The following RNF123 variants were observed in gnomAD, a reference collection of about 807,000 sequenced individuals.
RNF123 encodes ring finger protein 123, also known as E3 ubiquitin-protein ligase RNF123.
RNF123 carries 86 observed loss-of-function variants against 168.5 expected under a neutral mutation model. That is an observed-to-expected ratio of 0.51 (90% CI 0.43 to 0.61). The LOEUF (loss-of-function observed/expected upper bound fraction) is 0.61. RNF123 is among the 20% of genes least tolerant of loss of function. The pLI is 0.00. For missense variants in RNF123, 1,419 were observed against 1,729.7 expected (o/e 0.82, Z 3.19); for synonymous variants, 666 against 689.1 (o/e 0.97, Z 0.52).
chr3:49,718,055 C>T (rs781250794), intron 35 of RNF123: 2 of 1,613,552 alleles, frequency 1.2e-6, no homozygotes, highest in African/African-American at 2.7e-5. Context: ...TCAGCTACTG[C>T]CAGCTGCACG....
rs538662649 is a variant in RNF123, at chr3:49,705,870, G to A, written c.2305-112G>A. 37 of 1,447,438 alleles carry A rather than the reference G, an allele frequency of 2.6e-5. No individual in the cohort carries two copies. The African/African-American group carries it at 2.6e-4, about 10-fold the overall frequency. 89.7% of individuals were successfully genotyped at this position (1,447,438 alleles called of 1,614,324 possible). ...TGCTGACTGTTGTGGGAATGGGACC[G>A]CCCTGGGCCTAAGGTTGGGACCTTG... On this transcript the variant is annotated intron_variant, in intron 24 of 38. Coordinates refer to ENST00000327697, the MANE Select transcript of RNF123 (RefSeq NM_022064.5).
In RNF123 at chr3:49,716,000, G is replaced by A. The variant is rs1450419541; in HGVS notation, c.3329G>A (p.Arg1110His). 11 of 1,613,866 alleles carry A rather than the reference G, an allele frequency of 6.8e-6. No individual in the cohort carries two copies. The highest frequency in any genetic ancestry group is 1.3e-5 in the African/African-American group (1 of 74,944). The change falls in exon 33 of 39, where the codon CGT becomes CAT. Residue 1110 changes from arginine (R) to histidine (H), a missense_variant. By Grantham distance (29) the Arg-to-His change is conservative. Coordinates refer to ENST00000327697, the MANE Select transcript of RNF123 (RefSeq NM_022064.5). ...CCTACCTCTGAGATGCTGCTGCGGC[G>A]TCTTGCACAGGTGTGGCCATCTGGG... Reference protein sequence around the residue: ...TRPTSEMLLRRLAQLLNQVLN... With the variant: ...TRPTSEMLLRHLAQLLNQVLN...
intron 21 of RNF123, 113 bp downstream of exon 21, chr3:49,703,641 G>GA: frequency 1.3e-6 from 1 of 775,856 alleles, no homozygotes; most frequent in Non-Finnish European, 2.1e-6. Flanking sequence ...GGGTGCCCAA[G>GA]TCTTTCCACC....
At chr3:49,713,367 C>A in intron 27 of RNF123, 146 bp from the exon 28 acceptor site, 1 of 703,550 alleles carries the variant, frequency 1.4e-6, no homozygotes, top group Admixed American at 2.5e-5. Flanking sequence ...AATGCTTTGC[C>A]CGATGTCCCC....
At chr3:49,705,746 T>C in intron 24 of RNF123, 67 bp downstream of exon 24, 1 of 1,603,276 alleles carries the variant, frequency 6.2e-7, no homozygotes, top group Admixed American at 1.7e-5. Context: ...TGTGTATTCC[T>C]GTGTGCACAT....
At chr3:49,720,405 G>A (rs1030129981) in intron 35 of RNF123, 106 bp from the exon 36 acceptor site, 19 of 1,158,964 alleles carry the variant, frequency 1.6e-5, no homozygotes, top group Non-Finnish European at 2.2e-5. Context: ...AGGATGCAGG[G>A]GGGGTGATCA....
intron 26 of RNF123, among the ~76,000 whole-genome samples, chr3:49,710,251 T>C (rs1284504096): frequency 6.6e-6 from 1 of 152,214 alleles, no homozygotes; most frequent in African/African-American, 2.4e-5. Context: ...CAAGCACTTA[T>C]TGGCCATTTG....
At chr3:49,712,181 G>A (rs1321775213) in intron 26 of RNF123, among the ~76,000 whole-genome samples, 1 of 151,590 alleles carries the variant, frequency 6.6e-6, no homozygotes, top group Admixed American at 6.6e-5. Context: ...AGCCAAGAGG[G>A]CGTCACTGCA....
Position 49,720,503 on chromosome 3 carries a change from C to T in RNF123, c.3501-8C>T, listed in dbSNP as rs1434651789. 2 of 1,554,878 alleles carry T rather than the reference C, an allele frequency of 1.3e-6. No individual in the cohort carries two copies. Among genetic ancestry groups the T allele is most frequent in the Non-Finnish European group, 1.7e-6 (2 of 1,149,014 alleles). Reference sequence around the variant, plus strand: ...CTTCTGACTGCCCTTGCACCCTCCCCTACCTAGGAGAGAGCAAGCCACATC... The same window carrying T: ...CTTCTGACTGCCCTTGCACCCTCCCTTACCTAGGAGAGAGCAAGCCACATC... On this transcript the variant is annotated splice_polypyrimidine_tract_variant and splice_region_variant and intron_variant, in intron 35 of 38. Coordinates refer to ENST00000327697, the MANE Select transcript of RNF123 (RefSeq NM_022064.5).
chr3:49,704,681 C>T lies in RNF123; in HGVS notation c.1884C>T (p.Ile628=), dbSNP rs267599875. 3.8e-5 allele frequency: 61 copies of T among 1,609,264 alleles called. No individual in the cohort carries two copies. The highest frequency in any genetic ancestry group is 6.7e-5 in the East Asian group (3 of 44,808). Residue 628 remains isoleucine, a synonymous_variant, in exon 22 of 39, where the codon ATC becomes ATT. Transcript: ENST00000327697. ...DDLASKANIV[I]DPLELQSTAM... The stretch of plus-strand genomic sequence containing the variant: ...TTGCTTCCAAAGCCAACATTGTGAT[C>T]GACCCACTGGAGCTCCAGTCAACCG...
At position 49,697,176 on chromosome 3, in the gene RNF123, T is replaced by C. The variant is rs746371268; in HGVS notation, c.201T>C (p.His67=). Residue 67 remains histidine, a synonymous_variant, in exon 4 of 39, where the codon CAT becomes CAC. Coordinates refer to ENST00000327697, the MANE Select transcript of RNF123 (RefSeq NM_022064.5). ...TGAACTTCCAGAACCTGCCAGAACA[T>C]TTGGACCAGTTGCTACAGGTGGACA... ...KPLNFQNLPE[H]LDQLLQVDNE... is the part of the protein sequence containing the mutation. 1.2e-6 allele frequency: 2 copies of C among 1,614,068 alleles called. No homozygotes were observed. The highest frequency in any genetic ancestry group is 1.7e-6 in the Non-Finnish European group (2 of 1,179,978).
rs192171818 is a variant in RNF123, at chr3:49,699,419, T to C, written c.765-49T>C. On this transcript the variant is annotated intron_variant, in intron 10 of 38. Coordinates refer to ENST00000327697, the MANE Select transcript of RNF123 (RefSeq NM_022064.5). The surrounding 1 kb of genome is among the most constrained non-coding windows in gnomAD (Gnocchi z 4.8). ...TGGGGGGTGGGCAGTGGAGAGGGAG[T>C]AGGCATGTCTGAGCCACAGATAAGG... 1.4e-5 allele frequency: 21 copies of C among 1,457,346 alleles called. No individual in the cohort carries two copies. In the East Asian group the frequency reaches 5.2e-4, roughly 36 times the overall value. 90.3% of individuals were successfully genotyped at this position (1,457,346 alleles called of 1,614,324 possible).
At chr3:49,716,784 A>G in intron 35 of RNF123, 1 of 349,616 alleles carries the variant, frequency 2.9e-6, no homozygotes, top group Non-Finnish European at 5.3e-6. Flanking sequence ...CCTGTGGTGG[A>G]CAGGGCCAGG....
chr3:49,718,214 GGCGGCA>G, intron 35 of RNF123: 3 of 1,610,754 alleles, frequency 1.9e-6, no homozygotes, highest in South Asian at 2.2e-5. Flanking sequence ...TGGGGCCAGC[GGCGGCA>G]GCGGCAGGCA....
intron 13 of RNF123, 45 bp downstream of exon 13, chr3:49,700,397 A>G (rs777676099): frequency 1.2e-6 from 2 of 1,612,798 alleles, no homozygotes; most frequent in East Asian, 4.5e-5. Context: ...GTCAGTCTTC[A>G]CTGGGGTCGG....
rs537813059 is a variant in RNF123, at chr3:49,701,906, C to G, written c.1491C>G (p.Ile497Met). ...ERGCQRLRKR[I>M]EVVEELQVQI... Reference sequence around the variant, plus strand: ...GCTGTCAGCGGCTCAGGAAGCGCATCGAAGGTCAGCCCGCCTTGGGCACGG... The same window carrying G: ...GCTGTCAGCGGCTCAGGAAGCGCATGGAAGGTCAGCCCGCCTTGGGCACGG... The change falls in exon 17 of 39, where the codon ATC (isoleucine) becomes ATG (methionine). Residue 497 changes from isoleucine to methionine, a missense_variant. Around this residue, in one of 5 missense-constraint regions of RNF123, gnomAD observed 349 missense variants for 344.9 expected, o/e 1.01. Coordinates refer to ENST00000327697, the MANE Select transcript of RNF123 (RefSeq NM_022064.5). The G allele has an allele frequency of 1.3e-6, 2 of 1,560,064 alleles. No individual in the cohort carries two copies. Among genetic ancestry groups the G allele is most frequent in the African/African-American group, 2.7e-5 (2 of 73,990 alleles).
At chr3:49,717,696 A>T in intron 35 of RNF123, 2 of 570,904 alleles carry the variant, frequency 3.5e-6, no homozygotes, top group South Asian at 4.3e-5. Context: ...TCCGCGGGAA[A>T]GCAGGAACTA....
chr3:49,713,031 T>G, intron 27 of RNF123: 1 of 669,096 alleles, frequency 1.5e-6, no homozygotes, highest in East Asian at 2.7e-5. Context: ...CAGAATGGTT[T>G]GTCTTGGTAA....
chr3:49,702,124 G>T lies in RNF123; in HGVS notation c.1537G>T (p.Asp513Tyr). The change falls in exon 18 of 39, where the codon GAC becomes TAC. Residue 513 changes from aspartate (D) to tyrosine (Y), a missense_variant. Physicochemically the swap from Asp to Tyr is radical, Grantham distance 160. Around this residue, in one of 5 missense-constraint regions of RNF123, gnomAD observed 349 missense variants for 344.9 expected, o/e 1.01. Transcript: ENST00000327697. Reference sequence around the variant, plus strand: ...GGTCCAGATCCTGAAGCTGCTGCTGGACAATAAAGATGACAATGGGGTGAG... The same window carrying T: ...GGTCCAGATCCTGAAGCTGCTGCTGTACAATAAAGATGACAATGGGGTGAG... Reference protein sequence around the residue: ...LQVQILKLLLDNKDDNGGEAS... With the variant: ...LQVQILKLLLYNKDDNGGEAS... The T allele has an allele frequency of 6.2e-7, 1 of 1,614,122 alleles. No individual in the cohort carries two copies. Among genetic ancestry groups the T allele is most frequent in the Non-Finnish European group, 8.5e-7 (1 of 1,180,004 alleles).
Sources: allele counts gnomAD v4.1 joint callset (sites outside exome capture counted in the v4.1 genomes callset), GRCh38; gene constraint gnomAD v4.1.1; regional missense constraint gnomAD v4.1.1; non-coding constraint Gnocchi (gnomAD v3.1); transcripts MANE v1.5; gene names NCBI Gene and HGNC (gene_info 2026-07-23, HGNC 2026-07-21).